Variants in PTPRC observed in about 807,000 individuals in gnomAD.
PTPRC encodes the protein protein tyrosine phosphatase receptor type C, also known as receptor-type tyrosine-protein phosphatase C.
A neutral mutation model predicts 155.9 loss-of-function variants in PTPRC; 44 were observed. That is an observed-to-expected ratio of 0.28 (90% CI 0.22 to 0.36). The LOEUF is 0.36. Ranked by LOEUF, PTPRC falls within the 10% of genes least tolerant of loss-of-function variation. The pLI, the probability that PTPRC is intolerant of heterozygous loss-of-function variation, is 1.00. For synonymous variants in PTPRC, 525 were observed against 533.1 expected (o/e 0.98, Z 0.21); for missense variants, 1,401 against 1,564.6 (o/e 0.90, Z 1.76).
intron 11 of PTPRC, among the ~76,000 whole-genome samples, chr1:198,712,063 TAGCCAAAACCTGGAAAC>T (rs1188727314): frequency 6.6e-6 from 1 of 152,196 alleles, no homozygotes; most frequent in East Asian, 1.9e-4. Flanking sequence ...GCATTCATAG[TAGCCAAAACCTGGAAAC>T]AGCCCAAATG....
intron 32 of PTPRC, 105 bp downstream of exon 32, chr1:198,754,509 T>G: frequency 7.5e-7 from 1 of 1,339,984 alleles, no homozygotes; most frequent in Non-Finnish European, 1.0e-6. Flanking sequence ...TTTGTTCTTT[T>G]TTCCCCTTTC....
intron 13 of PTPRC, 42 bp from the exon 14 acceptor site, chr1:198,718,052 T>C (rs775658266): frequency 7.8e-6 from 11 of 1,412,298 alleles, no homozygotes; most frequent in Non-Finnish European, 1.1e-5. Flanking sequence ...TACATATGCA[T>C]CTATTAAATT....
chr1:198,714,022 G>C (rs1055472119), intron 12 of PTPRC, among the ~76,000 whole-genome samples: 1 of 152,036 alleles, frequency 6.6e-6, no homozygotes, highest in Non-Finnish European at 1.5e-5. Flanking sequence ...CAAAGGCCAA[G>C]GAAAATAAAT....
Position 198,699,641 on chromosome 1 carries a change from A to C in PTPRC, c.376A>C (p.Thr126Pro), listed in dbSNP as rs779106980. 6.2e-7 allele frequency: 1 copy of C among 1,614,222 alleles called. No homozygotes were observed. The highest frequency in any genetic ancestry group is 1.7e-5 in the Admixed American group (1 of 60,030). Residue 126 changes from threonine (T) to proline (P), a missense_variant, in exon 5 of 33, where the codon ACA becomes CCA. Physicochemically the swap from Thr to Pro is conservative, Grantham distance 38. Transcript: ENST00000442510. ...QTPSAGTDTQTFSGSAANAKL... is the reference protein window; with the variant it reads ...QTPSAGTDTQPFSGSAANAKL... ...GCCCTCTGCTGGAACTGACACGCAG[A>C]CATTCAGCGGCTCCGCCGCCAATGC...
At chr1:198,678,616 A>T (rs1442624940) in intron 2 of PTPRC, among the ~76,000 whole-genome samples, 1 of 152,196 alleles carries the variant, frequency 6.6e-6, no homozygotes, top group Non-Finnish European at 1.5e-5. Context: ...TCTGAGATGC[A>T]CCGTGTTGGG....
intron 25 of PTPRC, 147 bp downstream of exon 25, chr1:198,742,514 C>T: frequency 9.9e-7 from 1 of 1,014,774 alleles, no homozygotes; most frequent in Non-Finnish European, 1.5e-6. Flanking sequence ...ACGTGGTAAT[C>T]ACCAGAAATA....
chr1:198,728,261 T>C, intron 15 of PTPRC, 79 bp from the exon 16 acceptor site: 1 of 1,056,150 alleles, frequency 9.5e-7, no homozygotes, highest in South Asian at 1.5e-5. Flanking sequence ...AAAATATAAA[T>C]ACTTTGGAGG....
chr1:198,694,260 T>C, intron 3 of PTPRC: 1 of 915,004 alleles, frequency 1.1e-6, no homozygotes, highest in East Asian at 8.6e-5. Context: ...TCCTACCTTC[T>C]TGTGCCTGCT....
intron 2 of PTPRC, among the ~76,000 whole-genome samples, chr1:198,675,896 A>G (rs1664924665): frequency 6.6e-6 from 1 of 152,188 alleles, no homozygotes; most frequent in Admixed American, 6.5e-5. Context: ...TATTGGAAGC[A>G]TTATTGTAGA....
intron 15 of PTPRC, among the ~76,000 whole-genome samples, chr1:198,725,363 G>A (rs1180494465): frequency 6.6e-6 from 1 of 152,172 alleles, no homozygotes; most frequent in Admixed American, 6.5e-5. Flanking sequence ...GTGGTCCTTA[G>A]AAGATCTTGG....
At chr1:198,677,857 C>T (rs1332407712) in intron 2 of PTPRC, among the ~76,000 whole-genome samples, 1 of 152,032 alleles carries the variant, frequency 6.6e-6, no homozygotes, top group African/African-American at 2.4e-5. Context: ...TTAACCTGTA[C>T]AAGACCTTAC....
chr1:198,734,299 T>C (rs1287486531), intron 21 of PTPRC, 29 bp from the exon 22 acceptor site: 5 of 1,610,028 alleles, frequency 3.1e-6, no homozygotes, highest in Non-Finnish European at 4.2e-6. Flanking sequence ...AAAATTTTTC[T>C]TATCAGCTTT....
chr1:198,681,080 T>C (rs1665296434), intron 2 of PTPRC, among the ~76,000 whole-genome samples: 1 of 152,186 alleles, frequency 6.6e-6, no homozygotes, highest in Non-Finnish European at 1.5e-5. Flanking sequence ...CCTTCTTTAC[T>C]AAAGATAGAG....
At chr1:198,737,478 C>T (rs1279189171) in intron 23 of PTPRC, among the ~76,000 whole-genome samples, 2 of 151,192 alleles carry the variant, frequency 1.3e-5, no homozygotes, top group Non-Finnish European at 3.0e-5. Context: ...TTCTGGGTAC[C>T]TGTATCAAAA....
Position 198,755,888 on chromosome 1 carries a change from A to G in PTPRC, c.3646-18A>G. 1.3e-6 allele frequency: 2 copies of G among 1,597,940 alleles called. No individual in the cohort carries two copies. The highest frequency in any genetic ancestry group is 2.2e-5 in the South Asian group (2 of 90,476). ...ATCAACTTTCTTCATGTAATTTCCC[A>G]CTTAATTCCTTTACTAGGAGCAATA... On this transcript the variant is annotated intron_variant, in intron 32 of 32. Coordinates refer to ENST00000442510, the MANE Select transcript of PTPRC (RefSeq NM_002838.5).
At chr1:198,755,799 T>G (rs1655618198) in intron 32 of PTPRC, 107 bp from the exon 33 acceptor site, 2 of 1,227,114 alleles carry the variant, frequency 1.6e-6, no homozygotes, top group Non-Finnish European at 1.2e-6. Context: ...TTTTCTGTCA[T>G]CCAATACTTC....
At chr1:198,704,674 T>C (rs2102406319) in intron 8 of PTPRC, among the ~76,000 whole-genome samples, 176 bp downstream of exon 8, 1 of 152,040 alleles carries the variant, frequency 6.6e-6, no homozygotes, top group Middle Eastern at 3.4e-3. Context: ...GGACATAGAG[T>C]TGGGAATGAT....
intron 2 of PTPRC, among the ~76,000 whole-genome samples, chr1:198,666,669 ATAAAT>A: frequency 6.6e-6 from 1 of 152,342 alleles, no homozygotes; most frequent in South Asian, 2.1e-4. Context: ...AATTAAAGGC[ATAAAT>A]TACTCTACAA....
intron 14 of PTPRC, among the ~76,000 whole-genome samples, chr1:198,719,432 T>C (rs1225846960): frequency 6.6e-6 from 1 of 152,212 alleles, no homozygotes; most frequent in Admixed American, 6.5e-5. Flanking sequence ...ATTTGCCTTT[T>C]AGTTTTCTTC....
Sources: allele counts gnomAD v4.1 joint callset (sites outside exome capture counted in the v4.1 genomes callset), GRCh38; gene constraint gnomAD v4.1.1; transcripts MANE v1.5; gene names NCBI Gene and HGNC (gene_info 2026-07-23, HGNC 2026-07-21).